LPIN1: variants seen among roughly 807,000 people sequenced by gnomAD.
LPIN1 encodes the protein phosphatidate phosphatase LPIN1.
LPIN1 carries 71 observed loss-of-function variants against 107.5 expected under a neutral mutation model. The ratio of observed to expected loss-of-function variants is 0.66; its 90% CI spans 0.55 to 0.80. The LOEUF (loss-of-function observed/expected upper bound fraction) is 0.80. LPIN1 is among the 30% of genes least tolerant of loss of function. The probability of loss-of-function intolerance (pLI) is 0.00; values close to 1 mark genes in which losing one functional copy is unlikely to be tolerated. For synonymous variants in LPIN1, 445 were observed against 452.6 expected (o/e 0.98, Z 0.21); for missense variants, 1,043 against 1,160.6 (o/e 0.90, Z 1.47).
At chr2:11,700,535 C>T (rs1386656954) in intron 1 of LPIN1, among the ~76,000 whole-genome samples, 1 of 152,096 alleles carries the variant, frequency 6.6e-6, no homozygotes, top group African/African-American at 2.4e-5. Context: ...CACTCTCCAC[C>T]CCTATGGGCT....
intron 14 of LPIN1, among the ~76,000 whole-genome samples, chr2:11,797,889 T>C (rs1042212524): frequency 6.6e-6 from 1 of 152,164 alleles, no homozygotes; most frequent in South Asian, 2.1e-4. Context: ...CAGAATGATA[T>C]GCTTTGGCTC....
intron 1 of LPIN1, among the ~76,000 whole-genome samples, chr2:11,759,093 A>G (rs1446247113): frequency 6.6e-6 from 1 of 152,136 alleles, no homozygotes; most frequent in Non-Finnish European, 1.5e-5. Flanking sequence ...GAGATGTGGT[A>G]ATGCTATCCA....
chr2:11,730,784 C>T (rs74863621), intron 1 of LPIN1, among the ~76,000 whole-genome samples: 250 of 152,226 alleles, frequency 1.6e-3, no homozygotes, highest in African/African-American at 5.8e-3. Context: ...GCGGAAGTAC[C>T]TCATATTTTA....
chr2:11,708,919 C>G (rs765854816), intron 1 of LPIN1, among the ~76,000 whole-genome samples: 15 of 152,094 alleles, frequency 9.9e-5, no homozygotes, highest in Non-Finnish European at 1.9e-4. Flanking sequence ...GGCCCTATGA[C>G]AAAGCTACTA....
chr2:11,767,582 A>G (rs955717072), intron 2 of LPIN1, 181 bp from the exon 3 acceptor site: 1 of 643,084 alleles, frequency 1.6e-6, no homozygotes, highest in African/African-American at 1.8e-5. Flanking sequence ...CGAACCCAGA[A>G]CTCCTCCAGT....
intron 13 of LPIN1, among the ~76,000 whole-genome samples, chr2:11,793,732 T>C (rs773125680): frequency 5.3e-5 from 8 of 152,348 alleles, no homozygotes; most frequent in Non-Finnish European, 1.0e-4. Context: ...TGGTCTGCTG[T>C]CCTCTGCCTG....
At chr2:11,708,882 T>C (rs2148522008) in intron 1 of LPIN1, among the ~76,000 whole-genome samples, 1 of 152,250 alleles carries the variant, frequency 6.6e-6, no homozygotes, top group South Asian at 2.1e-4. Context: ...GCACTTGACA[T>C]TAAGTATCTT....
At chr2:11,777,781 A>G (rs1460276648) in intron 6 of LPIN1, among the ~76,000 whole-genome samples, 2 of 152,220 alleles carry the variant, frequency 1.3e-5, no homozygotes, top group Non-Finnish European at 2.9e-5. Flanking sequence ...CAGTGAGATA[A>G]TTTATTGCTG....
chr2:11,787,398 C>CTTTTTTTTTTTTTTTTTTT (rs1205272301), intron 11 of LPIN1, among the ~76,000 whole-genome samples: 1 of 64,554 alleles, frequency 1.5e-5, no homozygotes, highest in African/African-American at 8.1e-5. Context: ...TTTTCTTTTT[C>CTTTTTTTTTTTTTTTTTTT]TTTTTTTTTT....
intron 1 of LPIN1, among the ~76,000 whole-genome samples, chr2:11,680,088 C>T (rs912900983): frequency 5.3e-5 from 8 of 152,154 alleles, no homozygotes; most frequent in African/African-American, 1.9e-4. Context: ...ATCAGGCAGG[C>T]CCCCGATGGA....
In LPIN1 at chr2:11,697,199, A is replaced by C. The variant is rs567784884; in HGVS notation, c.82-16557A>C. Among the ~76,000 whole-genome samples the C allele has an allele frequency of 6.6e-6, 1 of 152,324 alleles. No individual in the cohort carries two copies. Among genetic ancestry groups the C allele is most frequent in the African/African-American group, 2.4e-5 (1 of 41,586 alleles). Reference sequence around the variant, plus strand: ...TGTTTCTAAGAGGAGCTGCCACTCAAATAGGCAGCCCTGCAATCGGAGGGC... The same window carrying C: ...TGTTTCTAAGAGGAGCTGCCACTCACATAGGCAGCCCTGCAATCGGAGGGC... On this transcript the variant is annotated intron_variant, in intron 1 of 21. Coordinates refer to the LPIN1 transcript ENST00000449576. The surrounding 1 kb of genome is among the most constrained non-coding windows in gnomAD (Gnocchi z 4.6).
At chr2:11,724,555 G>C in intron 1 of LPIN1, 1 of 985,560 alleles carries the variant, frequency 1.0e-6, no homozygotes. Flanking sequence ...CATGAGCAGG[G>C]GCCTTTATCT....
chr2:11,781,769 C>T (rs529947775), intron 7 of LPIN1, among the ~76,000 whole-genome samples: 1 of 152,356 alleles, frequency 6.6e-6, no homozygotes, highest in Admixed American at 6.5e-5. Context: ...CCACTCTTTG[C>T]GGTCACTGCT....
At chr2:11,680,879 G>A (rs1661678066) in intron 1 of LPIN1, among the ~76,000 whole-genome samples, 1 of 152,218 alleles carries the variant, frequency 6.6e-6, no homozygotes, top group South Asian at 2.1e-4. Context: ...GGGCCACGAG[G>A]CCTGGACTCA....
intron 1 of LPIN1, among the ~76,000 whole-genome samples, chr2:11,699,457 A>T (rs1458940149): frequency 2.0e-5 from 3 of 151,970 alleles, no homozygotes; most frequent in Non-Finnish European, 4.4e-5. Context: ...CGTGCGGAAG[A>T]AAGAGCAGAA....
At chr2:11,689,204 AC>A (rs1480574111) in intron 1 of LPIN1, among the ~76,000 whole-genome samples, 3 of 152,228 alleles carry the variant, frequency 2.0e-5, no homozygotes, top group Non-Finnish European at 2.9e-5. Context: ...CTTGTAAGAA[AC>A]ACACAGGTGA....
At position 11,765,818 on chromosome 2, in the gene LPIN1, C is replaced by T; in HGVS notation, c.192+85C>T. ...CTGGTGATGCCACCTGTCTTGAACT[C>T]TCAGACCCAGAGTTTTAGGTCTTCG... On this transcript the variant is annotated intron_variant, in intron 2 of 20. Coordinates refer to ENST00000674199, the MANE Select transcript of LPIN1 (RefSeq NM_001349206.2). This position sits in a 1 kb window ranked among gnomAD's most constrained non-coding sequence, Gnocchi z 4.4. 1 of 1,236,892 alleles carries T rather than the reference C, an allele frequency of 8.1e-7. No individual in the cohort carries two copies. Among genetic ancestry groups the T allele is most frequent in the East Asian group, 2.4e-5 (1 of 41,800 alleles). 76.6% of individuals were successfully genotyped at this position (1,236,892 alleles called of 1,614,324 possible).
intron 1 of LPIN1, among the ~76,000 whole-genome samples, chr2:11,684,330 C>A (rs956697614): frequency 8.1e-6 from 1 of 122,958 alleles, no homozygotes; most frequent in Non-Finnish European, 1.7e-5. Flanking sequence ...TGTGCCACTG[C>A]AACCAGCTAA....
chr2:11,683,593 C>T (rs935498951), intron 1 of LPIN1, among the ~76,000 whole-genome samples: 4 of 152,170 alleles, frequency 2.6e-5, no homozygotes, highest in African/African-American at 7.2e-5. Context: ...TGGGAAGTAA[C>T]GGGTCCGCCC....
Sources: gnomAD v4.1 joint callset for allele counts (sites outside exome capture counted in the v4.1 genomes callset) on GRCh38, gnomAD v4.1.1 for gene constraint, Gnocchi (gnomAD v3.1) non-coding constraint, MANE v1.5 for transcripts, NCBI Gene and HGNC (gene_info 2026-07-23, HGNC 2026-07-21) for gene names.